The following DTNB variants were observed in gnomAD, a reference collection of about 807,000 sequenced individuals.
DTNB encodes the protein dystrobrevin beta.
In DTNB, 63 loss-of-function variants were observed where a neutral mutation model predicts 90.7. That is an observed-to-expected ratio of 0.69 (90% CI 0.57 to 0.86). The LOEUF (loss-of-function observed/expected upper bound fraction) is 0.86, where lower values mean the gene tolerates loss of function less well. Ranked by LOEUF, DTNB falls within the 40% of genes least tolerant of loss-of-function variation. The probability of loss-of-function intolerance (pLI) is 0.00; values close to 1 mark genes in which losing one functional copy is unlikely to be tolerated. For missense variants in DTNB, 744 were observed against 807.1 expected, an observed-to-expected ratio of 0.92 and a Z score of 0.95; for synonymous variants, 277 against 286.7, an observed-to-expected ratio of 0.97 and a Z score of 0.34.
chr2:25,517,679 C>G (rs2075361201), intron 9 of DTNB, among the ~76,000 whole-genome samples: 1 of 152,074 alleles, frequency 6.6e-6, no homozygotes. Flanking sequence ...ATCCCACTAC[C>G]AGGAATACAT....
intron 8 of DTNB, among the ~76,000 whole-genome samples, chr2:25,559,452 C>G (rs1003674537): frequency 5.9e-5 from 9 of 152,244 alleles, no homozygotes; most frequent in African/African-American, 1.9e-4. Context: ...CACACTGCCA[C>G]TCTCAGATCA....
intron 2 of DTNB, 107 bp downstream of exon 2, chr2:25,652,487 G>T: frequency 8.5e-7 from 1 of 1,173,998 alleles, no homozygotes; most frequent in Non-Finnish European, 1.2e-6. Flanking sequence ...CCTCTGCAAA[G>T]CTTATAACAT....
At chr2:25,602,236 G>T (rs543436398) in intron 5 of DTNB, among the ~76,000 whole-genome samples, 25 of 152,268 alleles carry the variant, frequency 1.6e-4, no homozygotes, top group African/African-American at 6.0e-4. Flanking sequence ...TGTTGACTCA[G>T]CCAGGAACCA....
At chr2:25,508,794 A>C (rs1183019301) in intron 9 of DTNB, among the ~76,000 whole-genome samples, 1 of 152,152 alleles carries the variant, frequency 6.6e-6, no homozygotes, top group Non-Finnish European at 1.5e-5. Context: ...TCAGCCTCCC[A>C]AAGTGCTGGG....
At chr2:25,446,951 T>C (rs929995822) in intron 12 of DTNB, among the ~76,000 whole-genome samples, 1 of 152,192 alleles carries the variant, frequency 6.6e-6, no homozygotes, top group Non-Finnish European at 1.5e-5. Context: ...AAAATTTTCT[T>C]AAATATATTT....
At chr2:25,385,901 A>G (rs1030892442) in intron 18 of DTNB, 20 of 514,202 alleles carry the variant, frequency 3.9e-5, no homozygotes, top group African/African-American at 3.1e-4. Flanking sequence ...ATAAACTCTA[A>G]TAAGTGGCCA....
At chr2:25,466,284 G>A (rs1164523926) in intron 10 of DTNB, among the ~76,000 whole-genome samples, 3 of 152,212 alleles carry the variant, frequency 2.0e-5, no homozygotes, top group African/African-American at 7.2e-5. Context: ...GCAGTGAGGC[G>A]AGATTGTGCC....
intron 2 of DTNB, among the ~76,000 whole-genome samples, chr2:25,648,187 T>C (rs2079945056): frequency 6.6e-6 from 1 of 152,234 alleles, no homozygotes; most frequent in Admixed American, 6.5e-5. Flanking sequence ...CTTTCACTTT[T>C]CTTGGTGATT....
At chr2:25,627,788 G>A (rs1385027003) in intron 4 of DTNB, among the ~76,000 whole-genome samples, 1 of 149,698 alleles carries the variant, frequency 6.7e-6, no homozygotes, top group South Asian at 2.1e-4. Flanking sequence ...CCAGGCTGGA[G>A]TGCAGTGGTG....
chr2:25,436,775 G>A (rs1022828044), intron 12 of DTNB, among the ~76,000 whole-genome samples: 2 of 152,158 alleles, frequency 1.3e-5, no homozygotes, highest in African/African-American at 2.4e-5. Context: ...TGAGACTGAG[G>A]CTGGCTGTGA....
chr2:25,603,957 T>C (rs191004876), intron 5 of DTNB, among the ~76,000 whole-genome samples: 37 of 152,228 alleles, frequency 2.4e-4, no homozygotes, highest in African/African-American at 8.7e-4. Context: ...GTTCTGAAAA[T>C]AGCCAAAGCT....
At chr2:25,436,402 G>A (rs924948909) in intron 12 of DTNB, among the ~76,000 whole-genome samples, 1 of 151,926 alleles carries the variant, frequency 6.6e-6, no homozygotes, top group African/African-American at 2.4e-5. Flanking sequence ...CCCTTTTATT[G>A]ATTAACCAGA....
At chr2:25,472,602 G>A (rs1476148988) in intron 10 of DTNB, among the ~76,000 whole-genome samples, 1 of 152,220 alleles carries the variant, frequency 6.6e-6, no homozygotes, top group Non-Finnish European at 1.5e-5. Context: ...AATAAAATTA[G>A]GCCGGGTGCA....
At chr2:25,507,180 G>C (rs958761138) in intron 9 of DTNB, among the ~76,000 whole-genome samples, 3 of 152,176 alleles carry the variant, frequency 2.0e-5, no homozygotes, top group Non-Finnish European at 4.4e-5. Flanking sequence ...AAGTGCACTT[G>C]ATGTGTTAGA....
At chr2:25,428,581 C>T (rs1424255847) in intron 14 of DTNB, among the ~76,000 whole-genome samples, 2 of 151,808 alleles carry the variant, frequency 1.3e-5, no homozygotes, top group Non-Finnish European at 2.9e-5. Context: ...TTACAGGCAT[C>T]GCCACCATGC....
chr2:25,654,920 C>A (rs1443818201), intron 1 of DTNB, among the ~76,000 whole-genome samples: 1 of 152,202 alleles, frequency 6.6e-6, no homozygotes, highest in Non-Finnish European at 1.5e-5. Flanking sequence ...TCCCAGCACA[C>A]AGTCAGTGTT....
At chr2:25,586,128 T>C (rs2062355850) in intron 6 of DTNB, among the ~76,000 whole-genome samples, 1 of 152,212 alleles carries the variant, frequency 6.6e-6, no homozygotes, top group African/African-American at 2.4e-5. Flanking sequence ...AAAACGAGGA[T>C]GCAAATACAT....
At chr2:25,470,369 A>ATTTTT (rs71397496) in intron 10 of DTNB, among the ~76,000 whole-genome samples, 1 of 132,780 alleles carries the variant, frequency 7.5e-6, no homozygotes, top group African/African-American at 2.8e-5. Flanking sequence ...TTACACGACA[A>ATTTTT]TTTTTTTTTT....
chr2:25,502,490 T>A (rs1232419054), intron 9 of DTNB, among the ~76,000 whole-genome samples: 1 of 152,028 alleles, frequency 6.6e-6, no homozygotes, highest in African/African-American at 2.4e-5. Context: ...CCTAACACTT[T>A]GGTAGGCTGA....
Sources: gnomAD v4.1 joint callset for allele counts (sites outside exome capture counted in the v4.1 genomes callset) on GRCh38, gnomAD v4.1.1 for gene constraint, MANE v1.5 for transcripts, NCBI Gene and HGNC (gene_info 2026-07-23, HGNC 2026-07-21) for gene names.